The following RYK variants were observed in gnomAD, a reference collection of about 807,000 sequenced individuals.
The protein encoded by RYK is inactive tyrosine-protein kinase RYK.
A neutral mutation model predicts 70.2 loss-of-function variants in RYK; 21 were observed. The observed-to-expected ratio is 0.30, with a 90% CI of 0.21 to 0.43. The LOEUF is 0.43. Among genes scored for constraint, RYK ranks in the 20% least tolerant of loss-of-function variants. The probability of loss-of-function intolerance (pLI) is 1.00; values close to 1 mark genes in which losing one functional copy is unlikely to be tolerated. For synonymous variants in RYK, 267 were observed against 278.0 expected (o/e 0.96, Z 0.39); for missense variants, 604 against 753.3 (o/e 0.80, Z 2.32).
At chr3:134,178,274 T>C (rs2013175381) in intron 10 of RYK, 1 of 436,984 alleles carries the variant, frequency 2.3e-6, no homozygotes. Context: ...TATCCCCATA[T>C]ATGCACATTC....
intron 6 of RYK, among the ~76,000 whole-genome samples, chr3:134,201,140 C>G (rs1018273238): frequency 6.6e-6 from 1 of 152,232 alleles, no homozygotes; most frequent in Non-Finnish European, 1.5e-5. Context: ...TTCCCTCAAT[C>G]GCTTCCAAAT....
Position 134,250,662 on chromosome 3 carries a change from G to C in RYK, c.-8C>G. The C allele has an allele frequency of 1.0e-6, 1 of 980,556 alleles. No homozygotes were observed. Among genetic ancestry groups the C allele is most frequent in the Non-Finnish European group, 1.2e-6 (1 of 827,686 alleles). The allele number at this position is 980,556 out of a possible 1,614,324, so 60.7% of individuals were successfully genotyped here. ...CCGCGCCGCCCCACGCATGGCCGCC[G>C]CCGCCGCCGCCGAAGAGGAGCGTCG... is the stretch of plus-strand genomic sequence containing the variant. On this transcript the variant is annotated 5_prime_UTR_variant, in exon 1 of 15. Coordinates refer to ENST00000623711, the MANE Select transcript of RYK (RefSeq NM_002958.4).
chr3:134,188,232 C>G (rs2013535103), intron 9 of RYK, among the ~76,000 whole-genome samples: 1 of 149,262 alleles, frequency 6.7e-6, no homozygotes. Context: ...ATGATCTCGG[C>G]TCACTGCATC....
intron 2 of RYK, among the ~76,000 whole-genome samples, chr3:134,212,942 A>T (rs2014444937): frequency 6.6e-6 from 1 of 150,780 alleles, no homozygotes; most frequent in African/African-American, 2.4e-5. Flanking sequence ...ATAGGTACGT[A>T]AACAACTGTT....
intron 1 of RYK, among the ~76,000 whole-genome samples, chr3:134,246,380 A>G (rs2015469533): frequency 3.3e-5 from 5 of 151,200 alleles, no homozygotes; most frequent in Admixed American, 3.3e-4. Context: ...ATTATTAAAA[A>G]AAAAAAAAGC....
rs569690746 is a variant in RYK at position 134,215,432 on chromosome 3, C to T, written c.355-3825G>A. 2.0e-4 allele frequency among the ~76,000 whole-genome samples: 31 copies of T among 152,216 alleles called. 1 individual carries two copies. Among genetic ancestry groups the T allele is most frequent in the Non-Finnish European group, 4.1e-4 (28 of 68,038 alleles). On this transcript the variant is annotated intron_variant, in intron 2 of 14. Transcript: ENST00000623711. Reference sequence around the variant, plus strand: ...AATATGAAGCATGAAACTGTGGAAGCCTCCTTGCTGGCTCCTTTTTTGAGG... The same window carrying T: ...AATATGAAGCATGAAACTGTGGAAGTCTCCTTGCTGGCTCCTTTTTTGAGG...
At chr3:134,204,591 CCACA>C (rs59154111) in intron 5 of RYK, among the ~76,000 whole-genome samples, 4,315 of 140,736 alleles carry the variant, frequency 0.031, 271 homozygotes, top group East Asian at 0.18. Context: ...ACAGCCACAG[CCACA>C]CACACACACA....
intron 5 of RYK, among the ~76,000 whole-genome samples, 198 bp from the exon 6 acceptor site, chr3:134,203,072 T>G (rs115947788): frequency 0.024 from 3,597 of 152,246 alleles, 136 homozygotes; most frequent in African/African-American, 0.082. Flanking sequence ...TTAGGCCAGG[T>G]GTGATGGCTC....
intron 13 of RYK, among the ~76,000 whole-genome samples, chr3:134,172,408 C>A (rs2012948033): frequency 6.6e-6 from 1 of 152,202 alleles, no homozygotes; most frequent in South Asian, 2.1e-4. Flanking sequence ...CCCTTTCCCA[C>A]TCCATGAAAA....
intron 9 of RYK, among the ~76,000 whole-genome samples, chr3:134,184,961 CAAAAAA>C (rs34543975): frequency 2.5e-5 from 2 of 80,132 alleles, no homozygotes; most frequent in Non-Finnish European, 5.1e-5. Context: ...CCCATCTCTA[CAAAAAA>C]AAAAAAAAAA....
chr3:134,170,894 A>T, intron 13 of RYK: 1 of 157,656 alleles, frequency 6.3e-6, no homozygotes, highest in Non-Finnish European at 1.4e-5. Context: ...GAGTAATTTA[A>T]GTGACACTAA....
At position 134,159,145 on chromosome 3, in the gene RYK, G is replaced by A. The variant is rs141863195; in HGVS notation, c.1712+92C>T. Reference sequence around the variant, plus strand: ...AGAGTCATTATTCTCAAAAGGGAAGGCTCTGTGTGAATATGGAAACCTGCT... The same window carrying A: ...AGAGTCATTATTCTCAAAAGGGAAGACTCTGTGTGAATATGGAAACCTGCT... On this transcript the variant is annotated intron_variant, in intron 14 of 14. Transcript: ENST00000623711. 1,316 of 1,289,730 alleles carry A rather than the reference G, an allele frequency of 1.0e-3. 10 individuals are homozygous for A. The African/African-American group carries it at 0.017, about 17-fold the overall frequency. The allele number at this position is 1,289,730 out of a possible 1,614,324, so 79.9% of individuals were successfully genotyped here. A position where few individuals can be genotyped will look rare whatever the true frequency, so the allele number is the denominator to read the frequency against.
intron 3 of RYK, among the ~76,000 whole-genome samples, chr3:134,210,648 A>C (rs2014362389): frequency 6.6e-6 from 1 of 152,218 alleles, no homozygotes; most frequent in South Asian, 2.1e-4. Flanking sequence ...ATTTCTTACA[A>C]ATACCACAAC....
At chr3:134,183,287 T>G in intron 9 of RYK, 1 of 335,206 alleles carries the variant, frequency 3.0e-6, no homozygotes, top group Non-Finnish European at 5.4e-6. Flanking sequence ...ATCAATTAAG[T>G]TTCCATAAAC....
chr3:134,189,626 A>G (rs1201160928), intron 8 of RYK, among the ~76,000 whole-genome samples: 3 of 150,848 alleles, frequency 2.0e-5, no homozygotes, highest in Non-Finnish European at 4.4e-5. Context: ...CAAAAAAATT[A>G]GCCGGGCGTG....
intron 1 of RYK, among the ~76,000 whole-genome samples, chr3:134,237,616 T>G (rs193055149): frequency 1.3e-5 from 2 of 152,338 alleles, no homozygotes; most frequent in East Asian, 3.9e-4. Context: ...CTTACTTCCC[T>G]TCCCCTGGCT....
Position 134,187,800 on chromosome 3 carries a change from T to C in RYK, c.1102+1037A>G, listed in dbSNP as rs529037982. ...ATCTTGAACTTATGGACTCAAGCAA[T>C]CCTCCTGCCTTAGCCTCCCAAAGCA... is the stretch of plus-strand genomic sequence containing the variant. On this transcript the variant is annotated intron_variant, in intron 9 of 14. Coordinates refer to ENST00000623711, the MANE Select transcript of RYK (RefSeq NM_002958.4). 1.4e-4 allele frequency among the ~76,000 whole-genome samples: 21 copies of C among 150,178 alleles called. No homozygotes were observed. In the South Asian group the frequency reaches 4.3e-3, roughly 30 times the overall value.
intron 2 of RYK, among the ~76,000 whole-genome samples, chr3:134,213,960 C>T (rs2014477727): frequency 6.6e-6 from 1 of 152,110 alleles, no homozygotes; most frequent in South Asian, 2.1e-4. Context: ...GCACACGCCA[C>T]TATGCCCAGC....
intron 13 of RYK, among the ~76,000 whole-genome samples, chr3:134,173,306 A>G (rs949203614): frequency 2.6e-5 from 4 of 152,146 alleles, no homozygotes; most frequent in South Asian, 2.1e-4. Flanking sequence ...TAAAAATTAT[A>G]TAAGTAAATT....
Sources: gnomAD v4.1 joint callset for allele counts (sites outside exome capture counted in the v4.1 genomes callset) on GRCh38, gnomAD v4.1.1 for gene constraint, MANE v1.5 for transcripts, NCBI Gene and HGNC (gene_info 2026-07-23, HGNC 2026-07-21) for gene names.